Variants in PAFAH2 observed in about 807,000 individuals in gnomAD.
PAFAH2 encodes platelet activating factor acetylhydrolase 2.
A neutral mutation model predicts 49.0 loss-of-function variants in PAFAH2; 42 were observed. The observed-to-expected ratio is 0.86, with a 90% confidence interval of 0.67 to 1.11. PAFAH2 has a LOEUF of 1.11. PAFAH2 is among the 50% of genes least tolerant of loss of function. PAFAH2 has a pLI of 0.00. For missense variants in PAFAH2, 503 were observed against 501.8 expected (o/e 1.00, Z -0.02); for synonymous variants, 184 against 181.3 (o/e 1.01, Z -0.12).
At chr1:25,964,832 A>C (rs1397353745) in intron 10 of PAFAH2, among the ~76,000 whole-genome samples, 1 of 152,202 alleles carries the variant, frequency 6.6e-6, no homozygotes, top group Non-Finnish European at 1.5e-5. Context: ...GTTAAAAATG[A>C]CCATAATGCT....
chr1:25,992,769 C>G (rs1265100429), intron 1 of PAFAH2, among the ~76,000 whole-genome samples: 1 of 152,124 alleles, frequency 6.6e-6, no homozygotes, highest in Non-Finnish European at 1.5e-5. Flanking sequence ...TGGGGCTGAC[C>G]CCTCCTTAAC....
At chr1:25,975,489 T>A (rs2049575202) in intron 8 of PAFAH2, among the ~76,000 whole-genome samples, 1 of 151,982 alleles carries the variant, frequency 6.6e-6, no homozygotes, top group African/African-American at 2.4e-5. Context: ...GGTTGAGGCA[T>A]CACTTGAGCC....
intron 1 of PAFAH2, among the ~76,000 whole-genome samples, chr1:25,995,291 G>A (rs918525509): frequency 3.9e-5 from 6 of 152,126 alleles, no homozygotes; most frequent in African/African-American, 1.4e-4. Context: ...GGCAGCTCTT[G>A]GATTAACACC....
chr1:25,974,788 G>A (rs1305813248), intron 8 of PAFAH2, 138 bp from the exon 9 acceptor site: 4 of 661,020 alleles, frequency 6.1e-6, no homozygotes, highest in African/African-American at 5.6e-5. Flanking sequence ...CAGGGCCCAC[G>A]GCCTTCAGTC....
At chr1:25,976,582 C>T in intron 8 of PAFAH2, 100 bp downstream of exon 8, 1 of 812,854 alleles carries the variant, frequency 1.2e-6, no homozygotes, top group East Asian at 2.5e-5. Context: ...ATCCTCAGTC[C>T]CTAAACAGTG....
intron 3 of PAFAH2, 98 bp from the exon 4 acceptor site, chr1:25,988,425 C>T: frequency 1.2e-6 from 1 of 829,166 alleles, no homozygotes; most frequent in East Asian, 2.7e-5. Flanking sequence ...GTGTTTCTCC[C>T]CTCTGGAGAA....
At chr1:25,983,334 G>T (rs116238292) in intron 6 of PAFAH2, among the ~76,000 whole-genome samples, 3,520 of 152,074 alleles carry the variant, frequency 0.023, 131 homozygotes, top group African/African-American at 0.077. Context: ...CCATTGAGCC[G>T]TGTTGGTGCC....
intron 1 of PAFAH2, among the ~76,000 whole-genome samples, chr1:25,991,592 A>G (rs375344235): frequency 4.2e-5 from 6 of 143,754 alleles, no homozygotes; most frequent in South Asian, 2.4e-4. Flanking sequence ...TGAGGTAGGT[A>G]CTATTAAGAC....
intron 10 of PAFAH2, among the ~76,000 whole-genome samples, chr1:25,966,750 C>T (rs189585124): frequency 3.3e-5 from 5 of 152,174 alleles, no homozygotes; most frequent in East Asian, 1.9e-4. Flanking sequence ...GAAAATTGCA[C>T]TTGTACCCCC....
chr1:25,963,114 C>T (rs1392307452), intron 10 of PAFAH2, among the ~76,000 whole-genome samples: 1 of 152,174 alleles, frequency 6.6e-6, no homozygotes, highest in South Asian at 2.1e-4. Flanking sequence ...TGAATGGTGT[C>T]CTTCCTCAAA....
intron 7 of PAFAH2, among the ~76,000 whole-genome samples, chr1:25,980,631 A>ATTTTTT (rs1430702055): frequency 1.4e-5 from 2 of 145,604 alleles, no homozygotes; most frequent in African/African-American, 5.1e-5. Flanking sequence ...ATATATATAT[A>ATTTTTT]TTTTATATAT....
intron 7 of PAFAH2, among the ~76,000 whole-genome samples, chr1:25,981,952 C>G (rs750010642): frequency 5.3e-5 from 8 of 150,994 alleles, no homozygotes; most frequent in African/African-American, 2.0e-4. Context: ...ACCCGGGAGG[C>G]GGAGGTTGCA....
At chr1:25,989,399 A>G in intron 3 of PAFAH2, 49 bp downstream of exon 3, 1 of 1,503,780 alleles carries the variant, frequency 6.6e-7, no homozygotes. Context: ...TCTCCCAGGA[A>G]CATAACCAAG....
intron 9 of PAFAH2, 58 bp from the exon 10 acceptor site, chr1:25,972,770 G>C: frequency 6.4e-7 from 1 of 1,567,094 alleles, no homozygotes; most frequent in Non-Finnish European, 8.8e-7. Context: ...ACAGATGTGT[G>C]TTAGGCACCT....
At chr1:25,985,947 T>C (rs1399212487) in intron 4 of PAFAH2, among the ~76,000 whole-genome samples, 1 of 152,202 alleles carries the variant, frequency 6.6e-6, no homozygotes, top group Non-Finnish European at 1.5e-5. Context: ...AATGAGAACC[T>C]AGCACAGCAC....
chr1:25,986,369 C>A (rs944800932), intron 4 of PAFAH2, among the ~76,000 whole-genome samples: 1 of 152,002 alleles, frequency 6.6e-6, no homozygotes, highest in East Asian at 1.9e-4. Context: ...ATGAAGACAG[C>A]GAGGGAGGAA....
At chr1:25,986,843 G>A (rs564995150) in intron 4 of PAFAH2, among the ~76,000 whole-genome samples, 87 of 151,958 alleles carry the variant, frequency 5.7e-4, no homozygotes, top group African/African-American at 2.1e-3. Flanking sequence ...AAATTTTTAA[G>A]TGGGAAAAAA....
intron 1 of PAFAH2, among the ~76,000 whole-genome samples, chr1:25,992,556 T>C (rs771633000): frequency 5.9e-5 from 9 of 152,212 alleles, no homozygotes; most frequent in Admixed American, 2.6e-4. Flanking sequence ...TTTAGTGCTT[T>C]TCACATATTA....
Position 25,961,055 on chromosome 1 carries a change from C to G in PAFAH2, c.*934G>C, listed in dbSNP as rs2049331732. ...TCCTGGCCTTAAGTGATCTGCCTGC[C>G]TTGGCCTCCCAAAGTGTTGGGATTA... is the stretch of plus-strand genomic sequence containing the variant. On this transcript the variant is annotated 3_prime_UTR_variant, in exon 11 of 11. Transcript: ENST00000374282. The G allele has an allele frequency of 6.6e-6, 1 of 152,244 alleles. No homozygotes were observed. Among genetic ancestry groups the G allele is most frequent in the Admixed American group, 6.6e-5 (1 of 15,262 alleles). The allele number at this position is 152,244 out of a possible 1,614,324, so 9.4% of individuals were successfully genotyped here. A position where few individuals can be genotyped will look rare whatever the true frequency, so the allele number is the denominator to read the frequency against.
Sources: allele counts gnomAD v4.1 joint callset (sites outside exome capture counted in the v4.1 genomes callset), GRCh38; gene constraint gnomAD v4.1.1; transcripts MANE v1.5; gene names NCBI Gene and HGNC (gene_info 2026-07-23, HGNC 2026-07-21).